Variants in MR1 observed in about 807,000 individuals in gnomAD.
MR1 encodes major histocompatibility complex, class I-related.
Under a neutral mutation model 37.8 loss-of-function variants are expected in MR1, and 44 were observed. The observed-to-expected ratio is 1.16, with a 90% CI of 0.91 to 1.50. MR1 has a LOEUF of 1.50. Ranked by LOEUF, MR1 falls within the 40% of genes most tolerant of loss-of-function variation. The pLI is 0.00. For missense variants in MR1, 386 were observed against 419.1 expected (o/e 0.92, Z 0.69); for synonymous variants, 153 against 155.8 (o/e 0.98, Z 0.13).
intron 1 of MR1, 58 bp downstream of exon 1, chr1:181,034,132 A>C: frequency 6.5e-7 from 1 of 1,536,204 alleles, no homozygotes; most frequent in Non-Finnish European, 8.9e-7. Flanking sequence ...CCTAGAAGGC[A>C]CAGCTTTTCT....
rs1571386075 is a variant in MR1, at chr1:181,044,883, A to T, written c.68-4169A>T. On this transcript the variant is annotated intron_variant, in intron 1 of 5. Coordinates refer to ENST00000367580, the MANE Select transcript of MR1 (RefSeq NM_001385161.1). ...GCCCTTGGCAGTGCTGGAAGGAGCA[A>T]GAAACAGGAAGAAAAAGAGGTGAGT... is the stretch of plus-strand genomic sequence containing the variant. Among the ~76,000 whole-genome samples the T allele has an allele frequency of 2.0e-5, 3 of 152,318 alleles. No individual in the cohort carries two copies. The East Asian group carries it at 5.8e-4, about 29-fold the overall frequency.
At chr1:181,044,291 A>G (rs1208212668) in intron 1 of MR1, among the ~76,000 whole-genome samples, 1 of 152,148 alleles carries the variant, frequency 6.6e-6, no homozygotes, top group Admixed American at 6.5e-5. Context: ...ATATGCTTAT[A>G]AATGAGGAGG....
intron 4 of MR1, among the ~76,000 whole-genome samples, chr1:181,053,151 G>A (rs534287822): frequency 3.9e-5 from 6 of 152,282 alleles, no homozygotes; most frequent in African/African-American, 1.2e-4. Context: ...GGAGGCTGAC[G>A]CGAGTGAACT....
Position 181,033,991 on chromosome 1 carries a change from C to A in MR1, c.-17C>A. ...CCTGTCAGTTTTTGGTTAAAAGAAC[C>A]CGGAAAGAGAAGGACTATGGGGGAA... On this transcript the variant is annotated 5_prime_UTR_variant, in exon 1 of 6. Transcript: ENST00000367580. 1 of 1,603,008 alleles carries A rather than the reference C, an allele frequency of 6.2e-7. No homozygotes were observed. Among genetic ancestry groups the A allele is most frequent in the Non-Finnish European group, 8.5e-7 (1 of 1,176,594 alleles).
intron 3 of MR1, among the ~76,000 whole-genome samples, chr1:181,051,670 C>T (rs1349855969): frequency 6.6e-6 from 1 of 152,104 alleles, no homozygotes; most frequent in African/African-American, 2.4e-5. Context: ...ACTGCTGGAG[C>T]CCTTCTATGA....
intron 3 of MR1, among the ~76,000 whole-genome samples, chr1:181,051,761 G>A (rs964328088): frequency 2.6e-5 from 4 of 152,180 alleles, no homozygotes; most frequent in Admixed American, 1.3e-4. Flanking sequence ...AAATGCCAGC[G>A]CAAGTACACA....
chr1:181,034,269 C>T (rs936720423), intron 1 of MR1, among the ~76,000 whole-genome samples, 195 bp downstream of exon 1: 1 of 152,178 alleles, frequency 6.6e-6, no homozygotes. Context: ...TTTGATGTCA[C>T]CACCTTCTGA....
At chr1:181,054,296 G>A (rs1292819106) in intron 5 of MR1, among the ~76,000 whole-genome samples, 6 of 152,138 alleles carry the variant, frequency 3.9e-5, no homozygotes, top group Non-Finnish European at 7.4e-5. Flanking sequence ...ACTGGTTGCT[G>A]GGATATAACA....
chr1:181,052,568 A>G, intron 4 of MR1, 58 bp downstream of exon 4: 1 of 1,556,622 alleles, frequency 6.4e-7, no homozygotes, highest in East Asian at 2.3e-5. Flanking sequence ...GGTGAGCAGG[A>G]AACCATGCTC....
intron 1 of MR1, among the ~76,000 whole-genome samples, chr1:181,041,219 AT>A (rs1466332710): frequency 1.3e-5 from 2 of 152,220 alleles, no homozygotes; most frequent in Non-Finnish European, 2.9e-5. Flanking sequence ...TGAAAATTAC[AT>A]TTTTATAAGA....
chr1:181,049,391 G>C, intron 2 of MR1, 79 bp downstream of exon 2: 1 of 1,491,044 alleles, frequency 6.7e-7, no homozygotes, highest in Non-Finnish European at 9.0e-7. Context: ...TCCAATAAGC[G>C]GATGCTGAAT....
chr1:181,054,984 CAAA>C (rs1282565997), intron 5 of MR1, among the ~76,000 whole-genome samples: 1 of 152,088 alleles, frequency 6.6e-6, no homozygotes, highest in African/African-American at 2.4e-5. Flanking sequence ...GTGAAACAAA[CAAA>C]AAATTTTTTT....
At chr1:181,048,591 C>T (rs921548127) in intron 1 of MR1, among the ~76,000 whole-genome samples, 3 of 152,012 alleles carry the variant, frequency 2.0e-5, no homozygotes, top group Non-Finnish European at 2.9e-5. Context: ...TATGCCCACA[C>T]GTGCACACAC....
chr1:181,055,257 GA>G lies in MR1; in HGVS notation c.1019del (p.Asp340ValfsTer24). 6.2e-7 allele frequency: 1 copy of G among 1,613,412 alleles called. No individual in the cohort carries two copies. The highest frequency in any genetic ancestry group is 2.2e-5 in the East Asian group (1 of 44,860). ...QNGAIYLPTP[D>X]R Reference sequence around the variant, plus strand: ...TGGAGCCATCTACCTTCCAACACCAGATCGATGATTGCAGATCCCTCTTTTC... The same window carrying G: ...TGGAGCCATCTACCTTCCAACACCAGTCGATGATTGCAGATCCCTCTTTTC... On this transcript the variant is annotated frameshift_variant, in exon 6 of 6. Transcript: ENST00000367580. LOFTEE classifies it high-confidence loss of function.
intron 3 of MR1, among the ~76,000 whole-genome samples, chr1:181,051,646 ACTT>A (rs1249177978): frequency 6.6e-6 from 1 of 152,166 alleles, no homozygotes; most frequent in East Asian, 1.9e-4. Context: ...ACACGTGGGT[ACTT>A]CTTTGGTGTC....
intron 1 of MR1, among the ~76,000 whole-genome samples, chr1:181,046,091 G>A (rs1293149199): frequency 6.6e-6 from 1 of 152,242 alleles, no homozygotes; most frequent in Non-Finnish European, 1.5e-5. Flanking sequence ...GGGACCTGCA[G>A]CCCGCCATGC....
At chr1:181,048,228 T>TAAA (rs1405027578) in intron 1 of MR1, among the ~76,000 whole-genome samples, 1 of 100,878 alleles carries the variant, frequency 9.9e-6, no homozygotes, top group African/African-American at 3.9e-5. Flanking sequence ...AAAAAATAAA[T>TAAA]AAAATAAAAT....
chr1:181,047,980 G>A (rs915236931), intron 1 of MR1, among the ~76,000 whole-genome samples: 2 of 151,826 alleles, frequency 1.3e-5, no homozygotes, highest in Non-Finnish European at 2.9e-5. Flanking sequence ...CACTTTGGGA[G>A]GCCGAGGTGG....
chr1:181,047,329 G>C (rs1437201322), intron 1 of MR1, among the ~76,000 whole-genome samples: 1 of 152,056 alleles, frequency 6.6e-6, no homozygotes, highest in Admixed American at 6.5e-5. Context: ...GGCCGGCCAT[G>C]GTGGCTCACA....
Sources: gnomAD v4.1 joint callset for allele counts (sites outside exome capture counted in the v4.1 genomes callset) on GRCh38, gnomAD v4.1.1 for gene constraint, MANE v1.5 for transcripts, NCBI Gene and HGNC (gene_info 2026-07-23, HGNC 2026-07-21) for gene names.